Variants in ELL observed in about 807,000 individuals in gnomAD.
ELL encodes the protein elongation factor for RNA polymerase II.
ELL carries 18 observed loss-of-function variants against 64.0 expected under a neutral mutation model. That is an observed-to-expected ratio of 0.28 (90% CI 0.19 to 0.42). ELL has a LOEUF of 0.42. Ranked by LOEUF, ELL falls within the 10% of genes least tolerant of loss-of-function variation. The probability of loss-of-function intolerance (pLI) is 1.00; values close to 1 mark genes in which losing one functional copy is unlikely to be tolerated. For missense variants in ELL, 797 were observed against 870.4 expected, an observed-to-expected ratio of 0.92 and a Z score of 1.06; for synonymous variants, 399 against 376.2, an observed-to-expected ratio of 1.06 and a Z score of -0.70.
chr19:18,484,108 C>A (rs1261299483), intron 1 of ELL, among the ~76,000 whole-genome samples: 2 of 152,226 alleles, frequency 1.3e-5, no homozygotes, highest in African/African-American at 4.8e-5. Flanking sequence ...TCCCCTCTAG[C>A]GCACTCTGCA....
At chr19:18,453,976 C>T (rs958442625) in intron 6 of ELL, among the ~76,000 whole-genome samples, 1 of 152,156 alleles carries the variant, frequency 6.6e-6, no homozygotes, top group Non-Finnish European at 1.5e-5. Context: ...TCAATAGAGA[C>T]AGAAAGCAGA....
intron 1 of ELL, among the ~76,000 whole-genome samples, chr19:18,493,375 A>G (rs1975573821): frequency 6.6e-6 from 1 of 152,334 alleles, no homozygotes; most frequent in Admixed American, 6.5e-5. Flanking sequence ...CCTGGGCAGC[A>G]TAACAATGCA....
intron 8 of ELL, among the ~76,000 whole-genome samples, chr19:18,447,043 C>T (rs1291078224): frequency 1.3e-5 from 2 of 152,310 alleles, no homozygotes; most frequent in African/African-American, 4.8e-5. Flanking sequence ...CAGAGCTCAG[C>T]GTGCACCTGC....
chr19:18,490,238 G>C (rs532224376), intron 1 of ELL, among the ~76,000 whole-genome samples: 1 of 126,654 alleles, frequency 7.9e-6, no homozygotes, highest in African/African-American at 2.8e-5. Context: ...CACATACTTA[G>C]ATGTAGCAAC....
At chr19:18,466,654 C>T (rs1011940132) in intron 2 of ELL, among the ~76,000 whole-genome samples, 4 of 152,216 alleles carry the variant, frequency 2.6e-5, no homozygotes, top group African/African-American at 4.8e-5. Flanking sequence ...CAGTGCAGGG[C>T]GGCATCACAT....
intron 1 of ELL, among the ~76,000 whole-genome samples, chr19:18,489,413 C>G (rs985215899): frequency 6.6e-6 from 1 of 152,206 alleles, no homozygotes; most frequent in Non-Finnish European, 1.5e-5. Context: ...TCCCATCCCC[C>G]TCATGTTAGC....
At chr19:18,466,395 A>AT (rs1344373461) in intron 2 of ELL, among the ~76,000 whole-genome samples, 1 of 152,168 alleles carries the variant, frequency 6.6e-6, no homozygotes, top group Non-Finnish European at 1.5e-5. Flanking sequence ...CCCTCTCAGC[A>AT]TCCCCCCACA....
intron 5 of ELL, among the ~76,000 whole-genome samples, chr19:18,460,716 T>C (rs1338750020): frequency 6.6e-6 from 1 of 152,160 alleles, no homozygotes; most frequent in Non-Finnish European, 1.5e-5. Context: ...AGCATGTGCT[T>C]TTTGCTGCAG....
At chr19:18,476,222 G>C (rs577260459) in intron 1 of ELL, among the ~76,000 whole-genome samples, 1 of 152,210 alleles carries the variant, frequency 6.6e-6, no homozygotes, top group Non-Finnish European at 1.5e-5. Context: ...CCCGTCTCTC[G>C]CGGTGCAAAC....
At chr19:18,481,994 G>C (rs1273641787) in intron 1 of ELL, among the ~76,000 whole-genome samples, 1 of 152,150 alleles carries the variant, frequency 6.6e-6, no homozygotes, top group African/African-American at 2.4e-5. Context: ...AGTTCCTGTT[G>C]CTCCCCATCC....
At chr19:18,518,451 T>G (rs546144506) in intron 1 of ELL, among the ~76,000 whole-genome samples, 1 of 148,424 alleles carries the variant, frequency 6.7e-6, no homozygotes, top group African/African-American at 2.5e-5. Flanking sequence ...GATCATGCCA[T>G]TGCACTCCAG....
chr19:18,478,492 C>T (rs1474748414), intron 1 of ELL, among the ~76,000 whole-genome samples: 2 of 152,224 alleles, frequency 1.3e-5, no homozygotes, highest in Non-Finnish European at 2.9e-5. Context: ...CACAAGTCCT[C>T]TCAGGCCCTC....
At position 18,474,859 on chromosome 19, in the gene ELL, A is replaced by G. The variant is rs188400201; in HGVS notation, c.136-1977T>C. Reference sequence around the variant, plus strand: ...TTTGGTTAAACAGGCCAGGTGGTTCACGCCTGTAATCCCAGCACTTTGGGA... The same window carrying G: ...TTTGGTTAAACAGGCCAGGTGGTTCGCGCCTGTAATCCCAGCACTTTGGGA... On this transcript the variant is annotated intron_variant, in intron 1 of 11. Transcript: ENST00000262809. Among the ~76,000 whole-genome samples the G allele has an allele frequency of 5.9e-5, 9 of 152,344 alleles. 1 individual carries two copies. The highest frequency in any genetic ancestry group is 4.1e-4 in the South Asian group (2 of 4,828).
At position 18,449,493 on chromosome 19, in the gene ELL, C is replaced by G. The variant is rs756602591; in HGVS notation, c.1465+984G>C. Among the ~76,000 whole-genome samples the G allele has an allele frequency of 5.9e-5, 9 of 152,158 alleles. No homozygotes were observed. The highest frequency in any genetic ancestry group is 1.3e-4 in the Non-Finnish European group (9 of 68,014). Reference sequence around the variant, plus strand: ...AGTCTTCCTTCCTATCCAGTAAGACCCAGCCACAGTTGTGAGGACCTGCTC... The same window carrying G: ...AGTCTTCCTTCCTATCCAGTAAGACGCAGCCACAGTTGTGAGGACCTGCTC... On this transcript the variant is annotated intron_variant, in intron 8 of 11. Transcript: ENST00000262809. This position sits in a 1 kb window ranked among gnomAD's most constrained non-coding sequence, Gnocchi z 4.4.
intron 1 of ELL, among the ~76,000 whole-genome samples, chr19:18,500,971 C>T (rs539842077): frequency 6.6e-6 from 1 of 151,210 alleles, no homozygotes; most frequent in South Asian, 2.1e-4. Flanking sequence ...ACAGAGTTGA[C>T]TCTGTGACTC....
At position 18,450,971 on chromosome 19, in the gene ELL, C is replaced by A; in HGVS notation, c.971G>T (p.Arg324Leu). The A allele has an allele frequency of 6.6e-7, 1 of 1,522,040 alleles. No homozygotes were observed. Among genetic ancestry groups the A allele is most frequent in the South Asian group, 1.3e-5 (1 of 78,264 alleles). 94.3% of individuals were successfully genotyped at this position (1,522,040 alleles called of 1,614,324 possible). A position where few individuals can be genotyped will look rare whatever the true frequency, so the allele number is the denominator to read the frequency against. Residue 324 changes from arginine to leucine, a missense_variant, in exon 8 of 12, where the codon CGG becomes CTG. By Grantham distance (102) the Arg-to-Leu change is moderately radical (BLOSUM62 -2). Transcript: ENST00000262809. ...GTCGATGAAATCAGGAGGCTGCAGC[C>A]GCTTCTGGAGAGGAGCAGAGATCAT... Reference protein sequence around the residue: ...RGRSASPPQKRLQPPDFIDPL... With the variant: ...RGRSASPPQKLLQPPDFIDPL...
intron 1 of ELL, among the ~76,000 whole-genome samples, chr19:18,508,971 T>C (rs1975941980): frequency 1.3e-5 from 2 of 152,114 alleles, no homozygotes; most frequent in South Asian, 4.1e-4. Context: ...TAAGCAACTA[T>C]AGCAGTGACC....
intron 4 of ELL, among the ~76,000 whole-genome samples, chr19:18,462,986 T>A (rs1041202838): frequency 2.0e-5 from 3 of 152,154 alleles, no homozygotes; most frequent in African/African-American, 7.2e-5. Flanking sequence ...GTGGGCAGGG[T>A]CCAGCACGCT....
At chr19:18,517,764 G>A (rs1032858452) in intron 1 of ELL, among the ~76,000 whole-genome samples, 2 of 151,526 alleles carry the variant, frequency 1.3e-5, no homozygotes, top group Non-Finnish European at 2.9e-5. Flanking sequence ...GCTCATGCCT[G>A]TAGTCCCGGC....
Sources: gnomAD v4.1 joint callset for allele counts (sites outside exome capture counted in the v4.1 genomes callset) on GRCh38, gnomAD v4.1.1 for gene constraint, Gnocchi (gnomAD v3.1) non-coding constraint, MANE v1.5 for transcripts, NCBI Gene and HGNC (gene_info 2026-07-23, HGNC 2026-07-21) for gene names.